Variants in MAN2B2 observed in about 807,000 individuals in gnomAD.
MAN2B2 encodes mannosidase alpha class 2B member 2.
A neutral mutation model predicts 117.1 loss-of-function variants in MAN2B2; 106 were observed. That is an observed-to-expected ratio of 0.90 (90% confidence interval 0.77 to 1.06). The LOEUF (loss-of-function observed/expected upper bound fraction) is 1.06. Among genes scored for constraint, MAN2B2 ranks in the 50% least tolerant of loss-of-function variants. MAN2B2 has a pLI of 0.00. For synonymous variants in MAN2B2, 544 were observed against 595.1 expected (o/e 0.91, Z 1.25); for missense variants, 1,326 against 1,381.4 (o/e 0.96, Z 0.64).
At position 6,609,994 on chromosome 4, in the gene MAN2B2, G is replaced by A. The variant is rs374068742; in HGVS notation, c.2203G>A (p.Gly735Ser). The A allele has an allele frequency of 2.2e-5, 35 of 1,613,894 alleles. No homozygotes were observed. The highest frequency in any genetic ancestry group is 5.3e-5 in the African/African-American group (4 of 74,860). Reference protein sequence around the residue: ...SQQVIYSDNNGYQMQRRPYVS... With the variant: ...SQQVIYSDNNSYQMQRRPYVS... ...GCAGGTCATCTACTCAGACAACAACGGCTACCAGATGCAGCGGAGGCCCTA... is the reference window on the plus strand; with the variant it reads ...GCAGGTCATCTACTCAGACAACAACAGCTACCAGATGCAGCGGAGGCCCTA... The change falls in exon 13 of 19, where the codon GGC (glycine) becomes AGC (serine). Residue 735 changes from glycine to serine, a missense_variant. Gly to Ser is a moderately conservative substitution (Grantham distance 56). Coordinates refer to ENST00000285599, the MANE Select transcript of MAN2B2 (RefSeq NM_015274.3).
chr4:6,614,808 G>T (rs567579717), intron 16 of MAN2B2, among the ~76,000 whole-genome samples: 76 of 152,232 alleles, frequency 5.0e-4, no homozygotes, highest in Non-Finnish European at 8.1e-4. Flanking sequence ...AGGCTCCGGG[G>T]AATGAGCAAT....
intron 13 of MAN2B2, 105 bp from the exon 14 acceptor site, chr4:6,610,775 G>A (rs1366159297): frequency 1.1e-6 from 1 of 918,964 alleles, no homozygotes; most frequent in Non-Finnish European, 1.8e-6. Context: ...GCCCCATGCT[G>A]CTGCTGTGCC....
At chr4:6,577,881 G>A (rs1560633165) in intron 2 of MAN2B2, among the ~76,000 whole-genome samples, 1 of 152,210 alleles carries the variant, frequency 6.6e-6, no homozygotes, top group Non-Finnish European at 1.5e-5. Flanking sequence ...TGCTGGTTGT[G>A]TAGTAGGTGC....
At chr4:6,605,417 A>T in intron 11 of MAN2B2, 88 bp downstream of exon 11, 1 of 1,462,442 alleles carries the variant, frequency 6.8e-7, no homozygotes, top group Non-Finnish European at 9.1e-7. Context: ...CCATTTGCTC[A>T]CTTGCCTGGG....
rs370359547 is a variant in MAN2B2 at position 6,617,410 on chromosome 4, G to C, written c.2732G>C (p.Arg911Pro). 51 of 1,614,004 alleles carry C rather than the reference G, an allele frequency of 3.2e-5. No homozygotes were observed. Among genetic ancestry groups the C allele is most frequent in the Non-Finnish European group, 4.2e-5 (49 of 1,180,004 alleles). Residue 911 changes from arginine (R) to proline (P), a missense_variant, in exon 17 of 19, where the codon CGC becomes CCC. Transcript: ENST00000285599. ...GHRGEAQADLRRVLLRLYHLY... is the reference protein window; with the variant it reads ...GHRGEAQADLPRVLLRLYHLY... ...CGAGGGGAAGCCCAGGCTGACCTCC[G>C]CCGTGTCCTGCTGCGGCTCTACCAC...
At chr4:6,585,481 T>G (rs1726596020) in intron 3 of MAN2B2, among the ~76,000 whole-genome samples, 1 of 152,248 alleles carries the variant, frequency 6.6e-6, no homozygotes, top group African/African-American at 2.4e-5. Flanking sequence ...TCTTTTTCCC[T>G]GCAGCACTGA....
intron 11 of MAN2B2, among the ~76,000 whole-genome samples, chr4:6,605,925 ATTC>A: frequency 6.6e-6 from 1 of 152,220 alleles, no homozygotes; most frequent in African/African-American, 2.4e-5. Context: ...TCATTCATTC[ATTC>A]ATTCATTCAT....
chr4:6,621,106 T>C, intron 18 of MAN2B2, 82 bp from the exon 19 acceptor site: 1 of 977,418 alleles, frequency 1.0e-6, no homozygotes, highest in Non-Finnish European at 1.6e-6. Context: ...CACAGCAGAC[T>C]GTAGACAGGT....
chr4:6,617,540 C>T (rs1289926794), intron 17 of MAN2B2, 48 bp downstream of exon 17: 2 of 1,605,002 alleles, frequency 1.2e-6, no homozygotes, highest in African/African-American at 1.3e-5. Flanking sequence ...GAAGCAAACC[C>T]TAGATGAAGC....
Position 6,598,276 on chromosome 4 carries a change from A to T in MAN2B2, c.1327A>T (p.Met443Leu). 1.2e-6 allele frequency: 2 copies of T among 1,613,668 alleles called. No individual in the cohort carries two copies. The highest frequency in any genetic ancestry group is 1.7e-6 in the Non-Finnish European group (2 of 1,180,020). Residue 443 changes from methionine to leucine, a missense_variant, in exon 9 of 19, where the codon ATG (methionine) becomes TTG (leucine). By Grantham distance (15) the Met-to-Leu change is conservative. Coordinates refer to ENST00000285599, the MANE Select transcript of MAN2B2 (RefSeq NM_015274.3). The stretch of plus-strand genomic sequence containing the variant: ...GTACGCAACGCACCTGGCCTCGGGG[A>T]TGCTGGGCATGCGCAAGCTGATGGC... ...DMYATHLASGMLGMRKLMASI... is the reference protein window; with the variant it reads ...DMYATHLASGLLGMRKLMASI...
intron 7 of MAN2B2, among the ~76,000 whole-genome samples, chr4:6,595,793 C>T (rs1438594887): frequency 3.3e-5 from 5 of 152,230 alleles, no homozygotes; most frequent in Admixed American, 1.3e-4. Context: ...CTGCAGGGCT[C>T]ATTCTGGCCT....
In MAN2B2 at chr4:6,589,123, A is replaced by G. The variant is rs1726760501; in HGVS notation, c.643A>G (p.Ser215Gly). Residue 215 changes from serine to glycine, a missense_variant, in exon 5 of 19, where the codon AGC becomes GGC. Coordinates refer to ENST00000285599, the MANE Select transcript of MAN2B2 (RefSeq NM_015274.3). ...CTTCACGCACATCATGGACCAGTAC[A>G]GCTACTGCACCCCGTCCCACATCCC... ...EIFTHIMDQY[S>G]YCTPSHIPFS... 6.2e-7 allele frequency: 1 copy of G among 1,614,074 alleles called. No individual in the cohort carries two copies. The highest frequency in any genetic ancestry group is 8.5e-7 in the Non-Finnish European group (1 of 1,180,014).
intron 18 of MAN2B2, 79 bp downstream of exon 18, chr4:6,620,123 A>G: frequency 3.2e-6 from 4 of 1,233,904 alleles, no homozygotes; most frequent in Non-Finnish European, 4.6e-6. Flanking sequence ...GTGCACATCC[A>G]ACCATCTGCC....
At chr4:6,587,773 G>A (rs1400061001) in intron 4 of MAN2B2, among the ~76,000 whole-genome samples, 1 of 33,560 alleles carries the variant, frequency 3.0e-5, no homozygotes, top group Non-Finnish European at 5.4e-5. Flanking sequence ...TTTTTTTTTT[G>A]AGACAGGGTC....
chr4:6,617,573 G>A, intron 17 of MAN2B2, 81 bp downstream of exon 17: 2 of 1,569,298 alleles, frequency 1.3e-6, no homozygotes, highest in East Asian at 4.6e-5. Flanking sequence ...CCTTGGCAAA[G>A]AGATCCACGA....
Position 6,609,402 on chromosome 4 carries a change from G to A in MAN2B2, c.2006+104G>A, listed in dbSNP as rs553738434. ...GTCTTTGCTCTGAACCCCAGCTTCC[G>A]GGCCGTGGTTGACACGTGGTCTGAT... On this transcript the variant is annotated intron_variant, in intron 12 of 18. Coordinates refer to ENST00000285599, the MANE Select transcript of MAN2B2 (RefSeq NM_015274.3). The A allele has an allele frequency of 5.0e-5, 59 of 1,176,190 alleles. No homozygotes were observed. The East Asian group carries it at 1.1e-3, about 21-fold the overall frequency. 72.9% of individuals were successfully genotyped at this position (1,176,190 alleles called of 1,614,324 possible).
At chr4:6,583,072 G>C (rs546052240) in intron 3 of MAN2B2, among the ~76,000 whole-genome samples, 12 of 152,318 alleles carry the variant, frequency 7.9e-5, no homozygotes, top group African/African-American at 2.9e-4. Context: ...TTGATGTTCA[G>C]CCATCCCCCA....
At chr4:6,621,092 G>A in intron 18 of MAN2B2, 96 bp from the exon 19 acceptor site, 1 of 843,574 alleles carries the variant, frequency 1.2e-6, no homozygotes. Context: ...GGGAGGCTGG[G>A]AGCCACAGCA....
intron 4 of MAN2B2, among the ~76,000 whole-genome samples, chr4:6,587,891 A>T (rs773637242): frequency 6.6e-6 from 1 of 151,088 alleles, no homozygotes; most frequent in Non-Finnish European, 1.5e-5. Flanking sequence ...AGTAGCTGGG[A>T]TTACAGGTGA....
Sources: allele counts gnomAD v4.1 joint callset (sites outside exome capture counted in the v4.1 genomes callset), GRCh38; gene constraint gnomAD v4.1.1; transcripts MANE v1.5; gene names NCBI Gene and HGNC (gene_info 2026-07-23, HGNC 2026-07-21).